Variants in MYOT observed in about 807,000 individuals in gnomAD.
The protein encoded by MYOT is myotilin.
Under a neutral mutation model 58.0 loss-of-function variants are expected in MYOT, and 36 were observed. The ratio of observed to expected loss-of-function variants is 0.62; its 90% CI spans 0.48 to 0.82. The LOEUF is 0.82. MYOT is among the 40% of genes least tolerant of loss of function. MYOT has a pLI of 0.00. For synonymous variants in MYOT, 218 were observed against 204.6 expected, an observed-to-expected ratio of 1.07 and a Z score of -0.56; for missense variants, 505 against 592.1, an observed-to-expected ratio of 0.85 and a Z score of 1.53.
At position 137,871,077 on chromosome 5, in the gene MYOT, T is replaced by C; in HGVS notation, c.356+70T>C. Reference sequence around the variant, plus strand: ...GAGGAGTTTGCGAGGGGGTAGGAGTTTTGGGGGTATGCTGCAGTTCATTCT... The same window carrying C: ...GAGGAGTTTGCGAGGGGGTAGGAGTCTTGGGGGTATGCTGCAGTTCATTCT... On this transcript the variant is annotated intron_variant, in intron 2 of 9. Transcript: ENST00000239926. The C allele has an allele frequency of 7.8e-6, 10 of 1,287,304 alleles. No individual in the cohort carries two copies. The South Asian group carries it at 1.3e-4, about 16-fold the overall frequency. 79.7% of individuals were successfully genotyped at this position (1,287,304 alleles called of 1,614,324 possible).
intron 3 of MYOT, chr5:137,876,280 C>T (rs1755217888): frequency 4.8e-6 from 2 of 413,624 alleles, no homozygotes; most frequent in Admixed American, 4.0e-5. Flanking sequence ...ATGTCTGATG[C>T]CCAAATAGCT....
chr5:137,884,754 A>G (rs1454484432), intron 7 of MYOT, among the ~76,000 whole-genome samples: 2 of 152,208 alleles, frequency 1.3e-5, no homozygotes, highest in Non-Finnish European at 2.9e-5. Context: ...TCTGGTCCCA[A>G]GCATTTCAGA....
chr5:137,877,711 TA>T, intron 4 of MYOT, 90 bp downstream of exon 4: 1 of 952,992 alleles, frequency 1.0e-6, no homozygotes, highest in Non-Finnish European at 1.7e-6. Flanking sequence ...GCATCTGAAA[TA>T]AAAGTCGGTC....
At chr5:137,882,216 A>G (rs1755459787) in intron 6 of MYOT, 111 bp downstream of exon 6, 14 of 1,233,144 alleles carry the variant, frequency 1.1e-5, no homozygotes, top group Non-Finnish European at 1.7e-5. Flanking sequence ...ACAATGGACA[A>G]GAACACAAAT....
Position 137,875,962 on chromosome 5 carries a change from A to C in MYOT, c.490A>C (p.Lys164Gln), listed in dbSNP as rs1214787397. 3 of 1,614,114 alleles carry C rather than the reference A, an allele frequency of 1.9e-6. No homozygotes were observed. The highest frequency in any genetic ancestry group is 2.5e-6 in the Non-Finnish European group (3 of 1,179,998). Residue 164 changes from lysine to glutamine, a missense_variant, in exon 3 of 10, where the codon AAG (lysine) becomes CAG (glutamine). By Grantham distance (53) the Lys-to-Gln change is moderately conservative (BLOSUM62 1). Transcript: ENST00000239926. ...KEALIQDLER[K>Q]LKCKDTLLHN... ...AGCTTTGATTCAAGATTTGGAAAGA[A>C]AGCTGAAATGCAAGGACACCCTTCT...
At chr5:137,884,735 C>T (rs2149988879) in intron 7 of MYOT, among the ~76,000 whole-genome samples, 1 of 151,976 alleles carries the variant, frequency 6.6e-6, no homozygotes, top group South Asian at 2.1e-4. Context: ...ATCAGAAATC[C>T]AAAACACTTC....
intron 7 of MYOT, among the ~76,000 whole-genome samples, chr5:137,885,706 A>G (rs1755573881): frequency 7.7e-6 from 1 of 130,632 alleles, no homozygotes; most frequent in Non-Finnish European, 1.6e-5. Context: ...TGGGAGGCGG[A>G]GGTTGCAGTG....
chr5:137,870,834 C>T lies in MYOT; in HGVS notation c.183C>T (p.His61=), dbSNP rs773164879. ...RFSASSTLSS[H]ITMSSSAFPA... is the part of the protein sequence containing the mutation. ...CTGCCTCCTCAACACTGAGCTCTCA[C>T]ATCACCATGTCCTCCTCTGCTTTCC... Residue 61 remains histidine (H), a synonymous_variant, in exon 2 of 10, where the codon CAC becomes CAT. Coordinates refer to ENST00000239926, the MANE Select transcript of MYOT (RefSeq NM_006790.3). 12 of 1,614,190 alleles carry T rather than the reference C, an allele frequency of 7.4e-6. No homozygotes were observed. The highest frequency in any genetic ancestry group is 9.3e-6 in the Non-Finnish European group (11 of 1,180,038).
Position 137,877,641 on chromosome 5 carries a change from G to C in MYOT, c.633+20G>C. ...TCGCAGGTAAGTTAAAATGCTCTAA[G>C]TGGAGTATTTTTATTCTGTGCGATT... On this transcript the variant is annotated intron_variant, in intron 4 of 9. Transcript: ENST00000239926. 1 of 1,497,774 alleles carries C rather than the reference G, an allele frequency of 6.7e-7. No individual in the cohort carries two copies. Among genetic ancestry groups the C allele is most frequent in the Non-Finnish European group, 9.3e-7 (1 of 1,073,804 alleles). 92.8% of individuals were successfully genotyped at this position (1,497,774 alleles called of 1,614,324 possible).
intron 2 of MYOT, among the ~76,000 whole-genome samples, chr5:137,873,593 A>G (rs1349309099): frequency 6.6e-6 from 1 of 152,186 alleles, no homozygotes; most frequent in African/African-American, 2.4e-5. Context: ...TTGAAAAAAT[A>G]TGAGATCTAT....
intron 7 of MYOT, 122 bp from the exon 8 acceptor site, chr5:137,885,922 GTTTC>G (rs1463723384): frequency 8.1e-6 from 5 of 616,108 alleles, no homozygotes; most frequent in East Asian, 2.9e-5. Context: ...TTTTTACTGA[GTTTC>G]TTTCTGTTGC....
chr5:137,880,719 C>A, intron 4 of MYOT, 97 bp from the exon 5 acceptor site: 3 of 1,065,714 alleles, frequency 2.8e-6, no homozygotes, highest in Non-Finnish European at 2.9e-6. Flanking sequence ...CAAATACAGC[C>A]AAAATAGGAA....
At chr5:137,876,064 A>C in intron 3 of MYOT, 61 bp downstream of exon 3, 5 of 1,542,472 alleles carry the variant, frequency 3.2e-6, no homozygotes, top group South Asian at 1.1e-5. Flanking sequence ...AATTTTAATA[A>C]GGAAGTTCTA....
At chr5:137,883,111 G>A (rs1687468513) in intron 6 of MYOT, 1 of 399,442 alleles carries the variant, frequency 2.5e-6, no homozygotes, top group Admixed American at 3.8e-5. Context: ...ATAAATTAAT[G>A]TTCTAAATAT....
intron 2 of MYOT, among the ~76,000 whole-genome samples, chr5:137,871,584 CAGA>C (rs1374501143): frequency 2.0e-5 from 3 of 152,162 alleles, no homozygotes; most frequent in African/African-American, 7.2e-5. Flanking sequence ...TTACTGTGAT[CAGA>C]AGAAGGAAGG....
chr5:137,874,962 C>T (rs7713839), intron 2 of MYOT, among the ~76,000 whole-genome samples: 63,606 of 151,998 alleles, frequency 0.42, 14,825 homozygotes, highest in African/African-American at 0.62. Flanking sequence ...CTAACAATCA[C>T]TGGACAAAAG....
intron 2 of MYOT, among the ~76,000 whole-genome samples, chr5:137,872,688 A>C (rs1755088924): frequency 6.6e-6 from 1 of 152,144 alleles, no homozygotes; most frequent in Non-Finnish European, 1.5e-5. Flanking sequence ...GTTCGCCCTG[A>C]CTTCCAAAAT....
In MYOT at chr5:137,882,156, A is replaced by T. The variant is rs192736910; in HGVS notation, c.816+51A>T. 2.1e-5 allele frequency: 33 copies of T among 1,597,382 alleles called. No individual in the cohort carries two copies. The African/African-American group carries it at 3.9e-4, about 19-fold the overall frequency. ...GGGGAAAATTAACAATGGGATACTAAGTTTTGAAAAATGTTCTTTTCCTAC... is the reference window on the plus strand; with the variant it reads ...GGGGAAAATTAACAATGGGATACTATGTTTTGAAAAATGTTCTTTTCCTAC... On this transcript the variant is annotated intron_variant, in intron 6 of 9. Coordinates refer to ENST00000239926, the MANE Select transcript of MYOT (RefSeq NM_006790.3).
Position 137,883,433 on chromosome 5 carries a change from C to G in MYOT, c.866C>G (p.Thr289Arg), listed in dbSNP as rs780661087. 3 of 1,613,964 alleles carry G rather than the reference C, an allele frequency of 1.9e-6. No individual in the cohort carries two copies. Among genetic ancestry groups the G allele is most frequent in the Non-Finnish European group, 1.7e-6 (2 of 1,180,024 alleles). Residue 289 changes from threonine to arginine, a missense_variant, in exon 7 of 10, where the codon ACA becomes AGA. Transcript: ENST00000239926. ...GTGTCATGGTATCTAAATGGAAGAA[C>G]AGTTCAATCAGATGATTTGCACAAA... ...PDVSWYLNGR[T>R]VQSDDLHKMI...
Sources: allele counts gnomAD v4.1 joint callset (sites outside exome capture counted in the v4.1 genomes callset), GRCh38; gene constraint gnomAD v4.1.1; transcripts MANE v1.5; gene names NCBI Gene and HGNC (gene_info 2026-07-23, HGNC 2026-07-21).